Variants in NLGN1 observed in about 807,000 individuals in gnomAD.
NLGN1 encodes neuroligin-1.
In NLGN1, 12 loss-of-function variants were observed where a neutral mutation model predicts 65.5. That is an observed-to-expected ratio of 0.18 (90% confidence interval 0.12 to 0.30). The LOEUF (loss-of-function observed/expected upper bound fraction) is 0.30. Among genes scored for constraint, NLGN1 ranks in the 10% least tolerant of loss-of-function variants. The pLI, the probability that NLGN1 is intolerant of heterozygous loss-of-function variation, is 1.00. For synonymous variants in NLGN1, 350 were observed against 359.5 expected (o/e 0.97, Z 0.30); for missense variants, 750 against 1,007.1 (o/e 0.74, Z 3.46).
In NLGN1 at chr3:174,280,007, C is replaced by T. The variant is rs568566535; in HGVS notation, c.1649+357C>T. Among the ~76,000 whole-genome samples the T allele has an allele frequency of 2.0e-5, 3 of 152,056 alleles. No individual in the cohort carries two copies. Among genetic ancestry groups the T allele is most frequent in the South Asian group, 2.1e-4 (1 of 4,822 alleles). ...TCCTTCCAACTACCTTTCTGAATCT[C>T]GCAGATCAGGTACTATTAATCCCAC... On this transcript the variant is annotated intron_variant, in intron 6 of 6. Transcript: ENST00000457714. The surrounding 1 kb of genome is among the most constrained non-coding windows in gnomAD (Gnocchi z 4.9).
At chr3:174,132,311 C>T (rs1353729129) in intron 4 of NLGN1, among the ~76,000 whole-genome samples, 3 of 152,158 alleles carry the variant, frequency 2.0e-5, no homozygotes, top group Admixed American at 6.6e-5. Context: ...AATAAAATAG[C>T]CAAAACCTTT....
Position 173,864,884 on chromosome 3 carries a change from A to G in NLGN1, c.646+57052A>G, listed in dbSNP as rs145027934. Among the ~76,000 whole-genome samples, 1,494 of 152,308 alleles carry G rather than the reference A, an allele frequency of 9.8e-3. 29 individuals are homozygous for G. The highest frequency in any genetic ancestry group is 0.034 in the African/African-American group (1,430 of 41,574). ...GGAATGGTGGAGGAGAGAGATGGAA[A>G]ACCTAGAATGAGAACATCTAAACTG... On this transcript the variant is annotated intron_variant, in intron 4 of 6. Coordinates refer to ENST00000457714, the Ensembl canonical transcript of NLGN1.
At chr3:173,772,210 G>A (rs545387805) in intron 3 of NLGN1, among the ~76,000 whole-genome samples, 8 of 152,088 alleles carry the variant, frequency 5.3e-5, no homozygotes, top group Non-Finnish European at 1.0e-4. Context: ...ATAGTGTATG[G>A]TAGGTTTCTT....
chr3:173,602,803 G>C (rs1431633387), intron 2 of NLGN1, among the ~76,000 whole-genome samples: 2 of 151,986 alleles, frequency 1.3e-5, no homozygotes, highest in African/African-American at 4.8e-5. Flanking sequence ...CTATGATGCT[G>C]CAGAAGAGTC....
intron 4 of NLGN1, among the ~76,000 whole-genome samples, chr3:173,967,856 A>T (rs1248584197): frequency 6.6e-6 from 1 of 152,134 alleles, no homozygotes; most frequent in African/African-American, 2.4e-5. Flanking sequence ...TTTCTTTTTT[A>T]GAAATTTGAC....
intron 3 of NLGN1, among the ~76,000 whole-genome samples, chr3:173,717,311 AT>A (rs1325241010): frequency 6.6e-6 from 1 of 152,162 alleles, no homozygotes; most frequent in Non-Finnish European, 1.5e-5. Flanking sequence ...GTTAGTTTTT[AT>A]TTTTAAGCTG....
Position 174,273,662 on chromosome 3 carries a change from A to T in NLGN1, c.647-1653A>T, listed in dbSNP as rs116407388. 3.1e-3 allele frequency among the ~76,000 whole-genome samples: 473 copies of T among 151,864 alleles called. 1 individual carries two copies. Among genetic ancestry groups the T allele is most frequent in the African/African-American group, 0.011 (448 of 41,504 alleles). ...ATGACCAGAAAAATTTGTTTATTTG[A>T]ACTGTATTTTTTACAACTTTAGTCT... On this transcript the variant is annotated intron_variant, in intron 4 of 6. Coordinates refer to ENST00000457714, the Ensembl canonical transcript of NLGN1.
At chr3:174,028,576 A>G (rs1729303043) in intron 4 of NLGN1, among the ~76,000 whole-genome samples, 1 of 152,226 alleles carries the variant, frequency 6.6e-6, no homozygotes, top group South Asian at 2.1e-4. Flanking sequence ...GGGTGCTGTT[A>G]ACAGCATTCA....
At chr3:173,849,626 C>A (rs1466670620) in intron 4 of NLGN1, among the ~76,000 whole-genome samples, 1 of 152,188 alleles carries the variant, frequency 6.6e-6, no homozygotes, top group African/African-American at 2.4e-5. Context: ...CCAATGCTAA[C>A]TACTTGTCCC....
At position 174,231,801 on chromosome 3, in the gene NLGN1, T is replaced by C. The variant is rs543069854; in HGVS notation, c.647-43514T>C. On this transcript the variant is annotated intron_variant, in intron 4 of 6. Coordinates refer to ENST00000457714, the Ensembl canonical transcript of NLGN1. ...GTGTTGACACGCTTTCAAAATTGCT[T>C]CCCTTTTCGTATTGGCTCTACTCTG... Among the ~76,000 whole-genome samples, 14 of 152,268 alleles carry C rather than the reference T, an allele frequency of 9.2e-5. No homozygotes were observed. The East Asian group carries it at 2.7e-3, about 29-fold the overall frequency.
At chr3:173,857,129 T>G (rs1019354563) in intron 4 of NLGN1, among the ~76,000 whole-genome samples, 13 of 151,970 alleles carry the variant, frequency 8.6e-5, no homozygotes, top group Admixed American at 7.9e-4. Context: ...CCTGGACACA[T>G]GAAGGAGTAA....
rs370013628 is a variant in NLGN1 at position 173,567,260 on chromosome 3, A to G, written c.-320-37019A>G. ...AAGATAAATTAGAGAGGGCAGATTC[A>G]CCAAGTTCAAGAACCCTCATTTGAA... On this transcript the variant is annotated intron_variant, in intron 2 of 6. Coordinates refer to ENST00000457714, the Ensembl canonical transcript of NLGN1. 6.6e-5 allele frequency among the ~76,000 whole-genome samples: 10 copies of G among 152,268 alleles called. No homozygotes were observed. The South Asian group carries it at 1.0e-3, about 16-fold the overall frequency.
chr3:173,584,259 A>G (rs1018861466), intron 2 of NLGN1, among the ~76,000 whole-genome samples: 15 of 150,734 alleles, frequency 1.0e-4, no homozygotes, highest in African/African-American at 2.4e-4. Flanking sequence ...AAAAAAAAAA[A>G]GGTGAGGAGA....
intron 3 of NLGN1, among the ~76,000 whole-genome samples, chr3:173,806,266 G>A (rs1465815262): frequency 2.0e-5 from 3 of 151,918 alleles, no homozygotes; most frequent in East Asian, 1.9e-4. Flanking sequence ...TTATTATTAC[G>A]CTAGAGAAAT....
At chr3:174,226,092 A>G (rs1739626158) in intron 4 of NLGN1, among the ~76,000 whole-genome samples, 1 of 152,134 alleles carries the variant, frequency 6.6e-6, no homozygotes, top group Non-Finnish European at 1.5e-5. Flanking sequence ...AAGACCAGTT[A>G]TGCCTCAGAT....
In NLGN1 at chr3:174,033,272, C is replaced by T. The variant is rs1369488816; in HGVS notation, c.646+225440C>T. On this transcript the variant is annotated intron_variant, in intron 4 of 6. Transcript: ENST00000457714. ...AAACAAGGACAAAGGAATTAAAGACCTCTGGCACTATGACTACTGCAAACA... is the reference window on the plus strand; with the variant it reads ...AAACAAGGACAAAGGAATTAAAGACTTCTGGCACTATGACTACTGCAAACA... 2.6e-5 allele frequency among the ~76,000 whole-genome samples: 4 copies of T among 152,192 alleles called. No individual in the cohort carries two copies. In the East Asian group the frequency reaches 5.8e-4, roughly 22 times the overall value.
chr3:173,423,777 A>G (rs1207912772), intron 1 of NLGN1, among the ~76,000 whole-genome samples: 1 of 152,138 alleles, frequency 6.6e-6, no homozygotes, highest in Non-Finnish European at 1.5e-5. Context: ...GGATAATGCA[A>G]GCTGTTGGCA....
In NLGN1 at chr3:173,747,052, T is replaced by TTA. The variant is rs201945244; in HGVS notation, c.494-60621_494-60620dup. On this transcript the variant is annotated intron_variant, in intron 3 of 6. Transcript: ENST00000457714. ...AAGACCCTGCCTCAAAAAGAAAAAA[T>TTA]TATATATACACACACACACACACAC... 2.8e-4 allele frequency among the ~76,000 whole-genome samples: 23 copies of TTA among 81,794 alleles called. No individual in the cohort carries two copies. In the South Asian group the frequency reaches 5.7e-3, roughly 20 times the overall value. 53.7% of individuals were successfully genotyped at this position (81,794 alleles called of 152,430 possible). A position where few individuals can be genotyped will look rare whatever the true frequency, so the allele number is the denominator to read the frequency against.
At chr3:173,710,615 T>A (rs568001798) in intron 3 of NLGN1, among the ~76,000 whole-genome samples, 1 of 152,310 alleles carries the variant, frequency 6.6e-6, no homozygotes, top group South Asian at 2.1e-4. Context: ...ACGAGTGCAA[T>A]GTCTTTGATA....
Sources: allele counts gnomAD v4.1 joint callset (sites outside exome capture counted in the v4.1 genomes callset), GRCh38; gene constraint gnomAD v4.1.1; non-coding constraint Gnocchi (gnomAD v3.1); transcripts MANE v1.5; gene names NCBI Gene and HGNC (gene_info 2026-07-23, HGNC 2026-07-21).